The following EHMT1 variants were observed in gnomAD, a reference collection of about 807,000 sequenced individuals.
EHMT1 encodes histone-lysine N-methyltransferase EHMT1.
Under a neutral mutation model 147.2 loss-of-function variants are expected in EHMT1, and 15 were observed. That is an observed-to-expected ratio of 0.10 (90% CI 0.07 to 0.16). The LOEUF (loss-of-function observed/expected upper bound fraction) is 0.16, where lower values mean the gene tolerates loss of function less well. Among genes scored for constraint, EHMT1 ranks in the 10% least tolerant of loss-of-function variants. The pLI is 1.00. For missense variants in EHMT1, 1,587 were observed against 1,772.4 expected (o/e 0.90, Z 1.88); for synonymous variants, 795 against 709.6 (o/e 1.12, Z -1.91).
chr9:137,724,156 T>G (rs7042621), intron 3 of EHMT1, among the ~76,000 whole-genome samples: 24,885 of 152,222 alleles, frequency 0.16, 6,621 homozygotes, highest in African/African-American at 0.56. Context: ...TAGGCTCTAG[T>G]TGCTGGGAGA....
chr9:137,803,441 A>G (rs1373941894), intron 18 of EHMT1: 2 of 391,782 alleles, frequency 5.1e-6, no homozygotes, highest in Non-Finnish European at 7.0e-6. Flanking sequence ...GGTTTTATAG[A>G]AAAGGGCTCT....
At chr9:137,778,684 G>T (rs1051885705) in intron 13 of EHMT1, among the ~76,000 whole-genome samples, 1 of 152,110 alleles carries the variant, frequency 6.6e-6, no homozygotes, top group African/African-American at 2.4e-5. Flanking sequence ...GGCTCTGCTC[G>T]CTGACCAGAC....
rs1842766940 is a variant in EHMT1 at position 137,619,019 on chromosome 9, G to C, written c.-10G>C. Reference sequence around the variant, plus strand: ...GCGGGAGGGGCGGGGCCACGCTGCGGGCCCGGGCCATGGCCGCCGCCGATG... The same window carrying C: ...GCGGGAGGGGCGGGGCCACGCTGCGCGCCCGGGCCATGGCCGCCGCCGATG... On this transcript the variant is annotated 5_prime_UTR_variant, in exon 1 of 27. Transcript: ENST00000460843. The C allele has an allele frequency of 2.1e-6, 2 of 973,546 alleles. No individual in the cohort carries two copies. Among genetic ancestry groups the C allele is most frequent in the Non-Finnish European group, 2.4e-6 (2 of 820,650 alleles). 60.3% of individuals were successfully genotyped at this position (973,546 alleles called of 1,614,324 possible).
At chr9:137,640,664 C>T (rs533826013) in intron 1 of EHMT1, among the ~76,000 whole-genome samples, 53 of 152,330 alleles carry the variant, frequency 3.5e-4, no homozygotes, top group Admixed American at 1.4e-3. Context: ...CTAGAATTCT[C>T]TGCATTATAG....
Position 137,815,994 on chromosome 9 carries a change from C to G in EHMT1, c.3306C>G (p.Ile1102Met). The G allele has an allele frequency of 6.2e-7, 1 of 1,612,652 alleles. No homozygotes were observed. The highest frequency in any genetic ancestry group is 8.5e-7 in the Non-Finnish European group (1 of 1,179,350). Residue 1102 changes from isoleucine to methionine, a missense_variant, in exon 23 of 27, where the codon ATC becomes ATG. By Grantham distance (10) the Ile-to-Met change is conservative. This residue lies in a region of EHMT1 where 156 missense variants were observed against 252.5 expected (regional missense o/e 0.62). Transcript: ENST00000460843. ...TCAACATGGCGGAGCCTCCCTTGAT[C>G]TTCGAATGCAACCACGCGTGCTCCT... Reference protein sequence around the residue: ...PEFNMAEPPLIFECNHACSCW... With the variant: ...PEFNMAEPPLMFECNHACSCW...
At chr9:137,729,402 C>T (rs936195032) in intron 4 of EHMT1, among the ~76,000 whole-genome samples, 1 of 152,120 alleles carries the variant, frequency 6.6e-6, no homozygotes, top group African/African-American at 2.4e-5. Context: ...TCCTGGCTAA[C>T]ACGGTGAAAC....
At chr9:137,712,730 C>A (rs1220111698) in intron 2 of EHMT1, among the ~76,000 whole-genome samples, 1 of 152,158 alleles carries the variant, frequency 6.6e-6, no homozygotes, top group African/African-American at 2.4e-5. Flanking sequence ...TGTCTTTCCC[C>A]TTTCTTGATG....
In EHMT1 at chr9:137,716,855, G is replaced by A. The variant is rs772079296; in HGVS notation, c.315G>A (p.Lys105=). 3 of 1,613,306 alleles carry A rather than the reference G, an allele frequency of 1.9e-6. No individual in the cohort carries two copies. In the South Asian group the frequency reaches 3.3e-5, roughly 18 times the overall value. ...GVSERDSEAA[K]QNHVTADDFV... is the part of the protein sequence containing the mutation. Reference sequence around the variant, plus strand: ...CAGAAAGAGACTCAGAAGCGGCGAAGCAAAACCACGTCACTGCCGACGACT... The same window carrying A: ...CAGAAAGAGACTCAGAAGCGGCGAAACAAAACCACGTCACTGCCGACGACT... The change falls in exon 3 of 27, where the codon AAG becomes AAA. Residue 105 remains lysine, a synonymous_variant. Coordinates refer to ENST00000460843, the MANE Select transcript of EHMT1 (RefSeq NM_024757.5).
intron 1 of EHMT1, among the ~76,000 whole-genome samples, chr9:137,627,938 G>C (rs1052571285): frequency 1.3e-5 from 2 of 152,080 alleles, no homozygotes; most frequent in African/African-American, 4.8e-5. Flanking sequence ...TTGAACTTCT[G>C]ACCTCAAGTG....
chr9:137,729,586 CA>C lies in EHMT1; in HGVS notation c.823+1070del, dbSNP rs71944923. 9.3e-3 allele frequency among the ~76,000 whole-genome samples: 1,338 copies of C among 143,572 alleles called. 33 individuals are homozygous for C. The highest frequency in any genetic ancestry group is 0.048 in the Admixed American group (695 of 14,512). The allele number at this position is 143,572 out of a possible 152,430, so 94.2% of individuals were successfully genotyped here. A position where few individuals can be genotyped will look rare whatever the true frequency, so the allele number is the denominator to read the frequency against. On this transcript the variant is annotated intron_variant, in intron 4 of 26. Coordinates refer to ENST00000460843, the MANE Select transcript of EHMT1 (RefSeq NM_024757.5). The stretch of plus-strand genomic sequence containing the variant: ...TGGGCGACAGAGCAAGACTCCATCT[CA>C]AAAAAAAAAAAATTTTTTTTAATTT...
At chr9:137,624,352 T>G (rs1843123982) in intron 1 of EHMT1, among the ~76,000 whole-genome samples, 2 of 144,992 alleles carry the variant, frequency 1.4e-5, no homozygotes, top group African/African-American at 2.6e-5. Flanking sequence ...CAGTCTGGCA[T>G]CCAGTTGCCC....
chr9:137,825,535 A>G (rs927060416), intron 25 of EHMT1, among the ~76,000 whole-genome samples: 5 of 152,264 alleles, frequency 3.3e-5, no homozygotes, highest in Non-Finnish European at 7.4e-5. Flanking sequence ...CTGGGCCATC[A>G]GTCTTGGGTG....
chr9:137,671,802 A>G (rs1005574920), intron 1 of EHMT1, among the ~76,000 whole-genome samples: 1 of 152,160 alleles, frequency 6.6e-6, no homozygotes, highest in Admixed American at 6.5e-5. Context: ...TGCTGGGATC[A>G]CAGGCATCAG....
intron 6 of EHMT1, among the ~76,000 whole-genome samples, chr9:137,750,914 T>C (rs1298997395): frequency 6.6e-6 from 1 of 152,256 alleles, no homozygotes; most frequent in Non-Finnish European, 1.5e-5. Flanking sequence ...ATAACTATGG[T>C]TGGGCCAGTT....
At chr9:137,668,397 A>C (rs1463817035) in intron 1 of EHMT1, among the ~76,000 whole-genome samples, 1 of 151,138 alleles carries the variant, frequency 6.6e-6, no homozygotes, top group Non-Finnish European at 1.5e-5. Context: ...ACTGTCTACT[A>C]TCCACCTCAC....
At chr9:137,726,243 C>A (rs61304854) in intron 3 of EHMT1, among the ~76,000 whole-genome samples, 4 of 152,384 alleles carry the variant, frequency 2.6e-5, no homozygotes, top group Admixed American at 6.5e-5. Context: ...TCTTCCCACA[C>A]TGAAGCTCTG....
intron 1 of EHMT1, among the ~76,000 whole-genome samples, chr9:137,682,190 C>A (rs528654358): frequency 2.0e-4 from 30 of 152,128 alleles, no homozygotes; most frequent in African/African-American, 7.2e-4. Flanking sequence ...CCTCATGATC[C>A]GCCCACCTCA....
chr9:137,779,751 C>G, intron 14 of EHMT1, 34 bp downstream of exon 14: 1 of 1,609,382 alleles, frequency 6.2e-7, no homozygotes, highest in Non-Finnish European at 8.5e-7. Context: ...GCACATGCAG[C>G]CGGCCCTGTG....
chr9:137,679,484 TC>T (rs1941729570), intron 1 of EHMT1, among the ~76,000 whole-genome samples: 2 of 152,252 alleles, frequency 1.3e-5, no homozygotes, highest in East Asian at 3.9e-4. Context: ...GATGTGGAGT[TC>T]CCTTTGTTTT....
Sources: allele counts gnomAD v4.1 joint callset (sites outside exome capture counted in the v4.1 genomes callset), GRCh38; gene constraint gnomAD v4.1.1; regional missense constraint gnomAD v4.1.1; transcripts MANE v1.5; gene names NCBI Gene and HGNC (gene_info 2026-07-23, HGNC 2026-07-21).